KALRN: variants seen among roughly 807,000 people sequenced by gnomAD.
KALRN encodes kalirin.
A neutral mutation model predicts 353.7 loss-of-function variants in KALRN; 70 were observed. The ratio of observed to expected loss-of-function variants is 0.20; its 90% CI spans 0.16 to 0.24. The LOEUF is 0.24. Among genes scored for constraint, KALRN ranks in the 10% least tolerant of loss-of-function variants. KALRN has a pLI of 1.00. For synonymous variants in KALRN, 1,391 were observed against 1,434.8 expected (o/e 0.97, Z 0.69); for missense variants, 2,791 against 3,756.7 (o/e 0.74, Z 6.72).
chr3:124,245,192 G>A (rs2080976475), intron 3 of KALRN, among the ~76,000 whole-genome samples: 1 of 152,016 alleles, frequency 6.6e-6, no homozygotes, highest in Non-Finnish European at 1.5e-5. Flanking sequence ...TACTACCTGT[G>A]TGAGTTGTTT....
chr3:124,048,647 A>G (rs74524260), intron 1 of KALRN, among the ~76,000 whole-genome samples: 1 of 151,454 alleles, frequency 6.6e-6, no homozygotes, highest in Non-Finnish European at 1.5e-5. Flanking sequence ...TCGCCCAGCT[A>G]ATTTTTTTTG....
At chr3:124,361,180 C>A (rs920713793) in intron 10 of KALRN, among the ~76,000 whole-genome samples, 1 of 152,170 alleles carries the variant, frequency 6.6e-6, no homozygotes, top group Non-Finnish European at 1.5e-5. Flanking sequence ...ACTTCTAGCA[C>A]ACACACAAGA....
chr3:124,622,830 G>A (rs1223557913), intron 34 of KALRN, among the ~76,000 whole-genome samples: 8 of 152,112 alleles, frequency 5.3e-5, no homozygotes, highest in South Asian at 4.1e-4. Context: ...TAAAGTATTC[G>A]CCAGAGCCTA....
intron 5 of KALRN, among the ~76,000 whole-genome samples, chr3:124,284,085 C>A (rs183327206): frequency 2.0e-5 from 3 of 152,248 alleles, no homozygotes; most frequent in Admixed American, 2.0e-4. Context: ...GAGGAGAAAG[C>A]GGAGGCAGAG....
At chr3:124,626,301 T>TG (rs1201183103) in intron 34 of KALRN, among the ~76,000 whole-genome samples, 14 of 152,328 alleles carry the variant, frequency 9.2e-5, no homozygotes, top group African/African-American at 3.1e-4. Context: ...TTAACTTTGA[T>TG]GAGGGCAATT....
chr3:124,331,222 A>G (rs191581741), intron 8 of KALRN, among the ~76,000 whole-genome samples: 1 of 152,328 alleles, frequency 6.6e-6, no homozygotes, highest in Admixed American at 6.5e-5. Context: ...CTATCAACCA[A>G]TGAATGGATA....
At chr3:124,170,980 A>G (rs926699372) in intron 1 of KALRN, among the ~76,000 whole-genome samples, 1 of 150,700 alleles carries the variant, frequency 6.6e-6, no homozygotes, top group African/African-American at 2.4e-5. Context: ...TGCCCAGCTA[A>G]TTTCTTGTAT....
At position 124,554,237 on chromosome 3, in the gene KALRN, T is replaced by A. The variant is rs113450846; in HGVS notation, c.4936-8606T>A. ...CAGGTTTGGTGGCATGCGCCTGTAA[T>A]TCCAGCTACTTGGGAGGCAGAGGCA... On this transcript the variant is annotated intron_variant, in intron 33 of 59. Coordinates refer to ENST00000682506, the MANE Select transcript of KALRN (RefSeq NM_001388419.1). 3.3e-3 allele frequency among the ~76,000 whole-genome samples: 510 copies of A among 152,344 alleles called. 3 individuals are homozygous for A. Among genetic ancestry groups the A allele is most frequent in the African/African-American group, 0.012 (493 of 41,570 alleles).
At chr3:124,614,455 T>C (rs1302932854) in intron 34 of KALRN, among the ~76,000 whole-genome samples, 1 of 151,800 alleles carries the variant, frequency 6.6e-6, no homozygotes, top group Non-Finnish European at 1.5e-5. Flanking sequence ...AAACAGAGTT[T>C]CGCCATGTTG....
At chr3:124,537,198 C>T (rs563966171) in intron 33 of KALRN, among the ~76,000 whole-genome samples, 14 of 152,256 alleles carry the variant, frequency 9.2e-5, no homozygotes, top group African/African-American at 3.1e-4. Context: ...GGTGCCACTA[C>T]GCCCAGCTAA....
chr3:124,650,267 G>A (rs1043453755), intron 37 of KALRN, among the ~76,000 whole-genome samples: 1 of 152,156 alleles, frequency 6.6e-6, no homozygotes, highest in Non-Finnish European at 1.5e-5. Context: ...TTTTCAAAGG[G>A]GTTGTACAGC....
chr3:124,559,474 G>A (rs530771748), intron 33 of KALRN, among the ~76,000 whole-genome samples: 1 of 152,290 alleles, frequency 6.6e-6, no homozygotes, highest in South Asian at 2.1e-4. Flanking sequence ...TGGGAAGGGG[G>A]CCAAGACTTA....
intron 3 of KALRN, among the ~76,000 whole-genome samples, chr3:124,251,333 G>A (rs1033370883): frequency 6.6e-6 from 1 of 150,936 alleles, no homozygotes; most frequent in Admixed American, 6.6e-5. Context: ...GACTGTTTGC[G>A]GCGTGGCATG....
intron 7 of KALRN, among the ~76,000 whole-genome samples, chr3:124,328,474 T>A (rs2080156549): frequency 6.6e-6 from 1 of 152,164 alleles, no homozygotes; most frequent in Admixed American, 6.6e-5. Flanking sequence ...TGAAGGAGTG[T>A]TCCCCCCATG....
chr3:124,386,882 A>G (rs921889986), intron 11 of KALRN, among the ~76,000 whole-genome samples: 1 of 152,214 alleles, frequency 6.6e-6, no homozygotes, highest in African/African-American at 2.4e-5. Flanking sequence ...CTTCATGATA[A>G]TCTTATGATA....
chr3:124,156,226 G>A (rs148405560), intron 1 of KALRN, among the ~76,000 whole-genome samples: 2 of 152,324 alleles, frequency 1.3e-5, no homozygotes, highest in East Asian at 1.9e-4. Context: ...TCCTGGGGCT[G>A]ACCCGAAAGT....
chr3:124,309,614 C>T (rs2078049779), intron 6 of KALRN, among the ~76,000 whole-genome samples: 1 of 151,926 alleles, frequency 6.6e-6, no homozygotes, highest in Admixed American at 6.6e-5. Context: ...AATTACACAC[C>T]ACGACCAAGT....
At chr3:124,711,190 A>T (rs332511) in intron 57 of KALRN, among the ~76,000 whole-genome samples, 101,139 of 151,288 alleles carry the variant, frequency 0.67, 34,201 homozygotes, top group African/African-American at 0.76. Flanking sequence ...TTATTTTTTT[A>T]AAAAAAATTT....
At position 124,382,522 on chromosome 3, in the gene KALRN, T is replaced by C. The variant is rs147040350; in HGVS notation, c.1771-2323T>C. Among the ~76,000 whole-genome samples, 96 of 152,260 alleles carry C rather than the reference T, an allele frequency of 6.3e-4. 1 individual carries two copies. Among genetic ancestry groups the C allele is most frequent in the African/African-American group, 2.2e-3 (91 of 41,544 alleles). On this transcript the variant is annotated intron_variant, in intron 10 of 59. Coordinates refer to ENST00000682506, the MANE Select transcript of KALRN (RefSeq NM_001388419.1). ...GAGGGGATTTCTGGGACACAGGAAT[T>C]TCTATGCTAAAACCAGGAAAATCCT...
Sources: gnomAD v4.1 joint callset for allele counts (sites outside exome capture counted in the v4.1 genomes callset) on GRCh38, gnomAD v4.1.1 for gene constraint, MANE v1.5 for transcripts, NCBI Gene and HGNC (gene_info 2026-07-23, HGNC 2026-07-21) for gene names.